The following ADAMTSL1 variants were observed in gnomAD, a reference collection of about 807,000 sequenced individuals.
ADAMTSL1 encodes the protein ADAMTS-like protein 1.
A neutral mutation model predicts 201.8 loss-of-function variants in ADAMTSL1; 126 were observed. That is an observed-to-expected ratio of 0.62 (90% CI 0.54 to 0.72). ADAMTSL1 has a LOEUF of 0.72. ADAMTSL1 is among the 30% of genes least tolerant of loss of function. The pLI is 0.00. For missense variants in ADAMTSL1, 2,679 were observed against 2,277.8 expected, an observed-to-expected ratio of 1.18 and a Z score of -3.59; for synonymous variants, 1,121 against 903.4, an observed-to-expected ratio of 1.24 and a Z score of -4.32.
chr9:18,123,697 G>A (rs764145169), intron 1 of ADAMTSL1, among the ~76,000 whole-genome samples: 70 of 152,168 alleles, frequency 4.6e-4, no homozygotes, highest in Non-Finnish European at 8.7e-4. Flanking sequence ...TACAGACGTC[G>A]ACACTGCATA....
At chr9:18,500,273 A>G (rs1219902406) in intron 1 of ADAMTSL1, among the ~76,000 whole-genome samples, 1 of 152,274 alleles carries the variant, frequency 6.6e-6, no homozygotes, top group Non-Finnish European at 1.5e-5. Context: ...ACGTTTAGAT[A>G]AGCCAGTAAT....
chr9:18,137,929 GTTATTC>G (rs1826226931), intron 1 of ADAMTSL1, among the ~76,000 whole-genome samples: 1 of 152,124 alleles, frequency 6.6e-6, no homozygotes, highest in African/African-American at 2.4e-5. Flanking sequence ...GCTAGGGAGA[GTTATTC>G]TTATTGTTAG....
At chr9:18,033,837 C>G (rs1028541430) in intron 1 of ADAMTSL1, among the ~76,000 whole-genome samples, 1 of 152,232 alleles carries the variant, frequency 6.6e-6, no homozygotes, top group Non-Finnish European at 1.5e-5. Context: ...TTATACATGT[C>G]TGCATCCTCC....
intron 15 of ADAMTSL1, 96 bp from the exon 16 acceptor site, chr9:18,753,202 T>G (rs909359997): frequency 8.0e-7 from 1 of 1,246,046 alleles, no homozygotes; most frequent in Admixed American, 2.0e-5. Context: ...CTTCCCACTT[T>G]CCCAGTTAGG....
intron 2 of ADAMTSL1, among the ~76,000 whole-genome samples, chr9:18,384,373 A>T (rs757311589): frequency 6.6e-6 from 1 of 152,134 alleles, no homozygotes; most frequent in African/African-American, 2.4e-5. Flanking sequence ...ACCTCTCACC[A>T]GGTCCCTCCC....
At chr9:18,632,539 T>G (rs10963688) in intron 5 of ADAMTSL1, among the ~76,000 whole-genome samples, 8,743 of 152,010 alleles carry the variant, frequency 0.058, 277 homozygotes, top group South Asian at 0.096. Flanking sequence ...ATCTGTGGGG[T>G]GTAGTATTTT....
intron 22 of ADAMTSL1, among the ~76,000 whole-genome samples, chr9:18,829,521 G>A (rs754465960): frequency 6.6e-6 from 1 of 152,102 alleles, no homozygotes; most frequent in Non-Finnish European, 1.5e-5. Context: ...TTTTAAAAAA[G>A]TGTCTTTATG....
intron 2 of ADAMTSL1, among the ~76,000 whole-genome samples, chr9:18,384,340 G>A (rs1587032777): frequency 6.6e-6 from 1 of 152,072 alleles, no homozygotes; most frequent in South Asian, 2.1e-4. Context: ...CAGCAAGAGG[G>A]AAATCTGCCC....
chr9:17,933,753 C>G (rs1360534762), intron 1 of ADAMTSL1, among the ~76,000 whole-genome samples: 1 of 152,074 alleles, frequency 6.6e-6, no homozygotes, highest in Non-Finnish European at 1.5e-5. Context: ...TTTAAACAAC[C>G]AGATTTCGTG....
At chr9:18,391,457 T>A (rs1393901963) in intron 2 of ADAMTSL1, among the ~76,000 whole-genome samples, 2 of 152,166 alleles carry the variant, frequency 1.3e-5, no homozygotes, top group Admixed American at 6.5e-5. Flanking sequence ...AAACAATTTT[T>A]TTTTTAGAGA....
intron 1 of ADAMTSL1, among the ~76,000 whole-genome samples, chr9:18,003,319 T>C (rs1175704050): frequency 6.6e-6 from 1 of 151,914 alleles, no homozygotes; most frequent in Non-Finnish European, 1.5e-5. Context: ...CACCCAAGGG[T>C]TGTTCTACAA....
chr9:17,958,986 C>T (rs1051520084), intron 1 of ADAMTSL1, among the ~76,000 whole-genome samples: 1 of 152,092 alleles, frequency 6.6e-6, no homozygotes, highest in Non-Finnish European at 1.5e-5. Flanking sequence ...TAGAGGCTTT[C>T]TGAATCAAAG....
chr9:18,675,717 T>A (rs1055519425), intron 9 of ADAMTSL1, 140 bp from the exon 10 acceptor site: 1 of 724,980 alleles, frequency 1.4e-6, no homozygotes. Context: ...GATATAAAAC[T>A]GTTTTAGTGT....
At chr9:18,669,661 G>A (rs117330703) in intron 9 of ADAMTSL1, among the ~76,000 whole-genome samples, 5,323 of 152,226 alleles carry the variant, frequency 0.035, 130 homozygotes, top group Admixed American at 0.059. Flanking sequence ...GTCACAGGAG[G>A]TAAATTTTGA....
At chr9:18,578,305 C>T (rs117544047) in intron 4 of ADAMTSL1, among the ~76,000 whole-genome samples, 2,991 of 152,286 alleles carry the variant, frequency 0.02, 38 homozygotes, top group Non-Finnish European at 0.03. Flanking sequence ...CATTCTCCCC[C>T]TTTCTCTCCC....
chr9:18,353,462 G>A (rs1358318422), intron 2 of ADAMTSL1, among the ~76,000 whole-genome samples: 1 of 152,120 alleles, frequency 6.6e-6, no homozygotes, highest in African/African-American at 2.4e-5. Context: ...AATATTTATG[G>A]AGGCTAAAAG....
chr9:18,611,713 G>A (rs1224616562), intron 4 of ADAMTSL1, among the ~76,000 whole-genome samples: 1 of 152,036 alleles, frequency 6.6e-6, no homozygotes, highest in African/African-American at 2.4e-5. Flanking sequence ...AGGCAATATA[G>A]GAAAAAATTA....
At chr9:18,023,758 T>A (rs1820577211) in intron 1 of ADAMTSL1, among the ~76,000 whole-genome samples, 1 of 152,176 alleles carries the variant, frequency 6.6e-6, no homozygotes, top group South Asian at 2.1e-4. Context: ...TTCAAATAGC[T>A]GCCCTTATGT....
At chr9:18,074,519 C>CTTTTCTTTTCTTTTCTTTTT (rs1554690850) in intron 1 of ADAMTSL1, among the ~76,000 whole-genome samples, 4 of 139,798 alleles carry the variant, frequency 2.9e-5, no homozygotes, top group Non-Finnish European at 6.2e-5. Context: ...TTCTTCTTTT[C>CTTTTCTTTTCTTTTCTTTTT]TTTTCTTTTC....
Sources: gnomAD v4.1 joint callset for allele counts (sites outside exome capture counted in the v4.1 genomes callset) on GRCh38, gnomAD v4.1.1 for gene constraint, MANE v1.5 for transcripts, NCBI Gene and HGNC (gene_info 2026-07-23, HGNC 2026-07-21) for gene names.